SLC20A2: variants seen among roughly 807,000 people sequenced by gnomAD.
The protein encoded by SLC20A2 is sodium-dependent phosphate transporter 2.
In SLC20A2, 30 loss-of-function variants were observed where a neutral mutation model predicts 61.0. The ratio of observed to expected loss-of-function variants is 0.49; its 90% CI spans 0.37 to 0.67. The LOEUF is 0.67. SLC20A2 is among the 30% of genes least tolerant of loss of function. The probability of loss-of-function intolerance (pLI) is 0.00; values close to 1 mark genes in which losing one functional copy is unlikely to be tolerated. For missense variants in SLC20A2, 626 were observed against 866.4 expected (o/e 0.72, Z 3.48); for synonymous variants, 351 against 353.3 (o/e 0.99, Z 0.07).
intron 8 of SLC20A2, among the ~76,000 whole-genome samples, chr8:42,435,454 G>A (rs1804176353): frequency 6.6e-6 from 1 of 152,206 alleles, no homozygotes. Flanking sequence ...AAGCCTGGGA[G>A]GTTAGGACTC....
intron 10 of SLC20A2, 120 bp from the exon 11 acceptor site, chr8:42,418,087 T>G (rs928405914): frequency 3.4e-5 from 24 of 710,940 alleles, no homozygotes; most frequent in African/African-American, 2.1e-4. Flanking sequence ...CCCCTACATT[T>G]GTTAAAGCTT....
chr8:42,436,639 T>C (rs1804281504), intron 8 of SLC20A2, among the ~76,000 whole-genome samples: 1 of 152,138 alleles, frequency 6.6e-6, no homozygotes, highest in Non-Finnish European at 1.5e-5. Context: ...TCCTAGCTTG[T>C]CCTGGAGAAC....
intron 1 of SLC20A2, among the ~76,000 whole-genome samples, chr8:42,488,133 T>G (rs958391282): frequency 1.3e-5 from 2 of 150,732 alleles, no homozygotes; most frequent in African/African-American, 4.9e-5. Flanking sequence ...CATTCATCCA[T>G]CAGTGGACAT....
intron 1 of SLC20A2, among the ~76,000 whole-genome samples, chr8:42,512,380 T>C (rs1480194518): frequency 6.6e-6 from 1 of 151,074 alleles, no homozygotes; most frequent in Non-Finnish European, 1.5e-5. Flanking sequence ...AGATGGAGTC[T>C]CACTGTGATG....
At chr8:42,478,355 G>A (rs1808312254) in intron 1 of SLC20A2, among the ~76,000 whole-genome samples, 1 of 151,606 alleles carries the variant, frequency 6.6e-6, no homozygotes, top group South Asian at 2.1e-4. Context: ...AGGATTACAG[G>A]CATGCACTTC....
intron 4 of SLC20A2, among the ~76,000 whole-genome samples, chr8:42,461,848 A>T (rs1272207426): frequency 6.6e-6 from 1 of 151,942 alleles, no homozygotes; most frequent in East Asian, 1.9e-4. Context: ...AGCATCTGTC[A>T]TTCCCTCTGC....
intron 6 of SLC20A2, among the ~76,000 whole-genome samples, chr8:42,443,264 G>GTTTT (rs1187147221): frequency 1.2e-3 from 125 of 105,468 alleles, no homozygotes; most frequent in African/African-American, 4.2e-3. Flanking sequence ...ATTATTATAG[G>GTTTT]ATATATATAT....
rs1802685366 is a variant in SLC20A2, at chr8:42,416,602, T to C, written c.*1201A>G. On this transcript the variant is annotated 3_prime_UTR_variant, in exon 11 of 11. Coordinates refer to ENST00000520262, the MANE Select transcript of SLC20A2 (RefSeq NM_001257180.2). ...TTTCCATAGTTTCAGGCTCCAACAT[T>C]AGTCGTACTTCCTCCCTCCCGCTAT... The C allele has an allele frequency of 6.6e-6, 1 of 152,586 alleles. No individual in the cohort carries two copies. Among genetic ancestry groups the C allele is most frequent in the African/African-American group, 2.4e-5 (1 of 41,414 alleles). 9.5% of individuals were successfully genotyped at this position (152,586 alleles called of 1,614,324 possible).
rs768114081 is a variant in SLC20A2, at chr8:42,428,833, C to G, written c.1719G>C (p.Thr573=). 7 of 1,598,326 alleles carry G rather than the reference C, an allele frequency of 4.4e-6. No homozygotes were observed. The South Asian group carries it at 7.9e-5, about 18-fold the overall frequency. The change falls in exon 10 of 11, where the codon ACG becomes ACC. Residue 573 remains threonine, a synonymous_variant. Transcript: ENST00000520262. ...LTPITPSSGF[T]IELASAFTVV... ...CTGTGAAGGCTGAGGCCAGCTCGAT[C>G]GTGAAGCCGCTGTGGGGGGAGCATG...
intron 5 of SLC20A2, among the ~76,000 whole-genome samples, chr8:42,451,598 G>A (rs1213005319): frequency 7.4e-6 from 1 of 135,478 alleles, no homozygotes; most frequent in South Asian, 2.8e-4. Context: ...AGAGATGGAG[G>A]AGGAGGAGGA....
intron 1 of SLC20A2, among the ~76,000 whole-genome samples, chr8:42,530,999 G>A (rs117665085): frequency 0.064 from 9,679 of 152,134 alleles, 415 homozygotes; most frequent in Non-Finnish European, 0.094. Flanking sequence ...GGATTACAGG[G>A]GTGAGTCACT....
chr8:42,504,186 C>T (rs1810495481), upstream of SLC20A2, among the ~76,000 whole-genome samples: 1 of 152,250 alleles, frequency 6.6e-6, no homozygotes, highest in Non-Finnish European at 1.5e-5. Flanking sequence ...AGTGATTCTT[C>T]CACCTCAGCC....
intron 2 of SLC20A2, among the ~76,000 whole-genome samples, chr8:42,467,239 C>A (rs2131199881): frequency 6.6e-6 from 1 of 152,296 alleles, no homozygotes; most frequent in East Asian, 1.9e-4. Context: ...GTGTCTGATT[C>A]CTTGTTGTTA....
At chr8:42,513,928 G>A (rs1298008726) in intron 1 of SLC20A2, among the ~76,000 whole-genome samples, 1 of 152,184 alleles carries the variant, frequency 6.6e-6, no homozygotes, top group South Asian at 2.1e-4. Flanking sequence ...CATGTAGCAT[G>A]TTCTGGGAAT....
At chr8:42,531,495 A>G (rs1378073956) in intron 1 of SLC20A2, among the ~76,000 whole-genome samples, 4 of 152,218 alleles carry the variant, frequency 2.6e-5, no homozygotes, top group Non-Finnish European at 5.9e-5. Context: ...AGCAGTTCAC[A>G]TATATTATAA....
intron 1 of SLC20A2, among the ~76,000 whole-genome samples, chr8:42,527,700 G>A (rs1235102519): frequency 6.6e-6 from 1 of 151,204 alleles, no homozygotes. Context: ...CCCAGGAGGT[G>A]GAGGCTGCGG....
At chr8:42,481,937 C>T (rs1390125771) in intron 1 of SLC20A2, among the ~76,000 whole-genome samples, 1 of 152,150 alleles carries the variant, frequency 6.6e-6, no homozygotes, top group South Asian at 2.1e-4. Context: ...AGCCGTAAAG[C>T]TTCTGTGATA....
chr8:42,469,236 T>C (rs1053962336), intron 2 of SLC20A2, among the ~76,000 whole-genome samples: 2 of 152,136 alleles, frequency 1.3e-5, no homozygotes, highest in East Asian at 1.9e-4. Flanking sequence ...CTTAAATTTA[T>C]AGCTCCCAGG....
chr8:42,419,859 T>C (rs1321661594), intron 10 of SLC20A2, among the ~76,000 whole-genome samples: 1 of 152,186 alleles, frequency 6.6e-6, no homozygotes, highest in African/African-American at 2.4e-5. Flanking sequence ...TTAAAAAATA[T>C]ATTTACTGAA....
Sources: gnomAD v4.1 joint callset for allele counts (sites outside exome capture counted in the v4.1 genomes callset) on GRCh38, gnomAD v4.1.1 for gene constraint, MANE v1.5 for transcripts, NCBI Gene and HGNC (gene_info 2026-07-23, HGNC 2026-07-21) for gene names.